ZBTB20: variants seen among roughly 807,000 people sequenced by gnomAD.
ZBTB20 encodes zinc finger and BTB domain-containing protein 20.
A neutral mutation model predicts 56.9 loss-of-function variants in ZBTB20; 9 were observed. The observed-to-expected ratio is 0.16, with a 90% CI of 0.10 to 0.28. The LOEUF is 0.28. Among genes scored for constraint, ZBTB20 ranks in the 10% least tolerant of loss-of-function variants. The probability of loss-of-function intolerance (pLI) is 1.00; values close to 1 mark genes in which losing one functional copy is unlikely to be tolerated. For missense variants in ZBTB20, 655 were observed against 1,003.0 expected, an observed-to-expected ratio of 0.65 and a Z score of 4.69; for synonymous variants, 417 against 420.7, an observed-to-expected ratio of 0.99 and a Z score of 0.11.
At chr3:115,096,157 A>G (rs1367151268) in intron 1 of ZBTB20, among the ~76,000 whole-genome samples, 1 of 152,248 alleles carries the variant, frequency 6.6e-6, no homozygotes. Flanking sequence ...AAATTATTTT[A>G]AAGATTTGGT....
intron 2 of ZBTB20, among the ~76,000 whole-genome samples, chr3:115,047,751 A>G (rs1197008698): frequency 6.6e-6 from 1 of 152,220 alleles, no homozygotes; most frequent in Non-Finnish European, 1.5e-5. Context: ...AATCAGTTTC[A>G]GGATCTAATT....
intron 6 of ZBTB20, among the ~76,000 whole-genome samples, chr3:114,560,535 C>G (rs566692572): frequency 1.3e-5 from 2 of 152,266 alleles, no homozygotes; most frequent in African/African-American, 4.8e-5. Context: ...ATTCATATCC[C>G]ACCTGTCTGA....
chr3:114,429,181 A>G (rs2089938693), intron 7 of ZBTB20, among the ~76,000 whole-genome samples: 1 of 152,200 alleles, frequency 6.6e-6, no homozygotes, highest in Non-Finnish European at 1.5e-5. Context: ...GTATTATAAA[A>G]GTAAAAAAGT....
Position 114,318,317 on chromosome 3 carries a change from A to G in ZBTB20, c.*20688T>C, listed in dbSNP as rs2078766157. 6.6e-6 allele frequency: 1 copy of G among 152,126 alleles called. No individual in the cohort carries two copies. Among genetic ancestry groups the G allele is most frequent in the Non-Finnish European group, 1.5e-5 (1 of 68,054 alleles). The allele number at this position is 152,126 out of a possible 1,614,324, so 9.4% of individuals were successfully genotyped here. A position where few individuals can be genotyped will look rare whatever the true frequency, so the allele number is the denominator to read the frequency against. On this transcript the variant is annotated 3_prime_UTR_variant, in exon 12 of 12. Coordinates refer to ENST00000675478, the MANE Select transcript of ZBTB20 (RefSeq NM_001348800.3). ...GGGGGCCTTCACACCACCCACAGCC[A>G]TTTCCCTCCTTTGGGTCCCTGCCCC... is the stretch of plus-strand genomic sequence containing the variant.
At chr3:114,947,706 G>A (rs1489068037) in intron 3 of ZBTB20, among the ~76,000 whole-genome samples, 1 of 145,658 alleles carries the variant, frequency 6.9e-6, no homozygotes, top group Non-Finnish European at 1.5e-5. Flanking sequence ...TACTATGTGT[G>A]TTATTCAGGT....
At chr3:114,509,715 T>C (rs1215207186) in intron 6 of ZBTB20, among the ~76,000 whole-genome samples, 1 of 152,134 alleles carries the variant, frequency 6.6e-6, no homozygotes, top group East Asian at 1.9e-4. Context: ...AAACCCCAAA[T>C]GGTTTGCACT....
intron 6 of ZBTB20, chr3:114,687,138 C>G (rs1407532058): frequency 6.6e-6 from 1 of 151,120 alleles, no homozygotes; most frequent in Admixed American, 6.6e-5. Flanking sequence ...TACAAAGGAC[C>G]AGTAAATGTA....
chr3:114,462,824 T>C (rs1480904731), intron 7 of ZBTB20, among the ~76,000 whole-genome samples: 1 of 152,200 alleles, frequency 6.6e-6, no homozygotes, highest in Non-Finnish European at 1.5e-5. Flanking sequence ...AACAGCTCTA[T>C]ATATGTGGAG....
At chr3:114,916,704 A>C (rs182279110) in intron 3 of ZBTB20, among the ~76,000 whole-genome samples, 169 of 152,218 alleles carry the variant, frequency 1.1e-3, no homozygotes, top group African/African-American at 3.9e-3. Context: ...CAGCACTTTA[A>C]ATATGTCATG....
At chr3:114,952,270 G>A (rs1465649605) in intron 3 of ZBTB20, among the ~76,000 whole-genome samples, 1 of 152,014 alleles carries the variant, frequency 6.6e-6, no homozygotes, top group African/African-American at 2.4e-5. Flanking sequence ...TATCACAGGA[G>A]TGAGTTGTTG....
At chr3:114,859,236 CTTCCT>C (rs1223411818) in intron 4 of ZBTB20, among the ~76,000 whole-genome samples, 1 of 149,034 alleles carries the variant, frequency 6.7e-6, no homozygotes, top group Non-Finnish European at 1.5e-5. Flanking sequence ...TCCTTCTTTC[CTTCCT>C]TTCTTCTTTC....
intron 2 of ZBTB20, among the ~76,000 whole-genome samples, chr3:115,017,806 C>T (rs993265755): frequency 6.6e-6 from 1 of 151,392 alleles, no homozygotes; most frequent in Non-Finnish European, 1.5e-5. Flanking sequence ...ATGAAGGATG[C>T]CTCATGGATC....
Position 114,336,337 on chromosome 3 carries a change from T to C in ZBTB20, c.*2668A>G, listed in dbSNP as rs2079451888. On this transcript the variant is annotated 3_prime_UTR_variant, in exon 12 of 12. Transcript: ENST00000675478. Reference sequence around the variant, plus strand: ...TGGTGGTAAGTGGAAATATTAGTCTTACAACACTGCTATTTTAAAAAGCAA... The same window carrying C: ...TGGTGGTAAGTGGAAATATTAGTCTCACAACACTGCTATTTTAAAAAGCAA... 1 of 152,204 alleles carries C rather than the reference T, an allele frequency of 6.6e-6. No individual in the cohort carries two copies. Among genetic ancestry groups the C allele is most frequent in the Non-Finnish European group, 1.5e-5 (1 of 68,034 alleles). 9.4% of individuals were successfully genotyped at this position (152,204 alleles called of 1,614,324 possible).
chr3:114,585,470 G>A (rs930709974), intron 6 of ZBTB20, among the ~76,000 whole-genome samples: 9 of 152,118 alleles, frequency 5.9e-5, no homozygotes, highest in African/African-American at 1.4e-4. Flanking sequence ...ATACACAGCC[G>A]TATGTGCACA....
chr3:114,638,325 A>C (rs114372758), intron 6 of ZBTB20, among the ~76,000 whole-genome samples: 87 of 152,226 alleles, frequency 5.7e-4, no homozygotes, highest in African/African-American at 2.0e-3. Flanking sequence ...AGTGACAAGC[A>C]TGAAAGAAAG....
At chr3:115,081,154 C>A (rs1435706810) in intron 1 of ZBTB20, among the ~76,000 whole-genome samples, 2 of 152,034 alleles carry the variant, frequency 1.3e-5, no homozygotes, top group Non-Finnish European at 2.9e-5. Flanking sequence ...GTATTAAAGG[C>A]AAATACCTCT....
intron 2 of ZBTB20, among the ~76,000 whole-genome samples, chr3:115,063,359 G>A (rs1269778178): frequency 6.6e-6 from 1 of 152,118 alleles, no homozygotes; most frequent in Non-Finnish European, 1.5e-5. Flanking sequence ...AGCATGACCA[G>A]GTTTTGATGA....
intron 4 of ZBTB20, among the ~76,000 whole-genome samples, chr3:114,845,114 A>G (rs1179071416): frequency 1.3e-5 from 2 of 151,862 alleles, no homozygotes; most frequent in Non-Finnish European, 2.9e-5. Flanking sequence ...TCATTCATAA[A>G]TGAATTGTGC....
chr3:114,902,529 A>G (rs747767818), intron 3 of ZBTB20, among the ~76,000 whole-genome samples: 7 of 152,212 alleles, frequency 4.6e-5, no homozygotes, highest in Non-Finnish European at 8.8e-5. Context: ...TATTTTTTAT[A>G]TTTCTGAGCA....
Sources: allele counts gnomAD v4.1 joint callset (sites outside exome capture counted in the v4.1 genomes callset), GRCh38; gene constraint gnomAD v4.1.1; transcripts MANE v1.5; gene names NCBI Gene and HGNC (gene_info 2026-07-23, HGNC 2026-07-21).